The following SH3KBP1 variants were observed in gnomAD, a reference collection of about 807,000 sequenced individuals.
SH3KBP1 encodes the protein SH3 domain containing kinase binding protein 1, also known as SH3 domain-containing kinase-binding protein 1.
In SH3KBP1, 8 loss-of-function variants were observed where a neutral mutation model predicts 50.1. That is an observed-to-expected ratio of 0.16 (90% CI 0.09 to 0.29). The LOEUF is 0.29. SH3KBP1 is among the 10% of genes least tolerant of loss of function. SH3KBP1 has a pLI of 1.00. For missense variants in SH3KBP1, 377 were observed against 535.2 expected, an observed-to-expected ratio of 0.70 and a Z score of 2.92; for synonymous variants, 227 against 218.6, an observed-to-expected ratio of 1.04 and a Z score of -0.34.
At chrX:19,662,412 G>A (rs866459520) in intron 6 of SH3KBP1, among the ~76,000 whole-genome samples, 5 of 111,919 alleles carry the variant, frequency 4.5e-5, no homozygotes, top group Admixed American at 9.5e-5. Flanking sequence ...ACTTTGTAAC[G>A]TTTTTCATAT....
rs761943305 is a variant in SH3KBP1 at position 19,546,018 on chromosome X, G to A, written c.1527C>T (p.Ser509=). The A allele has an allele frequency of 1.4e-5, 17 of 1,208,226 alleles. No individual in the cohort carries two copies. Among genetic ancestry groups the A allele is most frequent in the Non-Finnish European group, 1.9e-5 (17 of 893,887 alleles). Residue 509 remains serine, a synonymous_variant, in exon 15 of 18, where the codon TCC becomes TCT. Transcript: ENST00000397821. ...SSLSSPDIFD[S]PSPEEDKEEH... is the part of the protein sequence containing the mutation. ...CCTCCTTATCCTCTTCGGGACTTGG[G>A]GAGTCGAAGATATCAGGGCTTGAAA... is the stretch of plus-strand genomic sequence containing the variant.
chrX:19,543,181 C>T (rs965638112), intron 15 of SH3KBP1, among the ~76,000 whole-genome samples: 8 of 111,200 alleles, frequency 7.2e-5, no homozygotes, highest in South Asian at 3.8e-4. Context: ...ATGGAACAGA[C>T]GCCTTGTGAG....
At chrX:19,703,808 A>C (rs1464570465) in intron 4 of SH3KBP1, among the ~76,000 whole-genome samples, 2 of 107,258 alleles carry the variant, frequency 1.9e-5, no homozygotes, top group Admixed American at 2.0e-4. Context: ...ATAAAAATAT[A>C]ATATATACAT....
chrX:19,812,248 A>T (rs890823198), intron 2 of SH3KBP1, among the ~76,000 whole-genome samples: 8 of 111,432 alleles, frequency 7.2e-5, no homozygotes, highest in Non-Finnish European at 1.1e-4. Context: ...AAACGGGCTG[A>T]CTTCATACAC....
At chrX:19,624,812 A>G (rs762617230) in intron 8 of SH3KBP1, among the ~76,000 whole-genome samples, 18 of 112,517 alleles carry the variant, frequency 1.6e-4, no homozygotes, top group African/African-American at 5.2e-4. Context: ...CAAGAAATAC[A>G]TTCTATGACA....
chrX:19,856,562 C>A (rs2068648587), intron 1 of SH3KBP1, among the ~76,000 whole-genome samples: 2 of 111,546 alleles, frequency 1.8e-5, no homozygotes, highest in Non-Finnish European at 3.8e-5. Flanking sequence ...CTATGCTGAC[C>A]CAGGTCACCC....
intron 1 of SH3KBP1, among the ~76,000 whole-genome samples, chrX:19,881,522 A>G (rs1386892133): frequency 8.9e-6 from 1 of 112,134 alleles, no homozygotes; most frequent in Non-Finnish European, 1.9e-5. Flanking sequence ...GAGGATACCA[A>G]TGATAATCAG....
At chrX:19,886,598 C>T (rs1018601534) in intron 1 of SH3KBP1, among the ~76,000 whole-genome samples, 4 of 111,861 alleles carry the variant, frequency 3.6e-5, no homozygotes, top group Non-Finnish European at 7.5e-5. Flanking sequence ...GACCGGATCA[C>T]CATTTCCAGG....
In SH3KBP1 at chrX:19,653,249, G is replaced by A; in HGVS notation, c.727-7774C>T. Among the ~76,000 whole-genome samples, 3 of 111,487 alleles carry A rather than the reference G, an allele frequency of 2.7e-5. No individual in the cohort carries two copies. In the South Asian group the frequency reaches 1.2e-3, roughly 43 times the overall value. The stretch of plus-strand genomic sequence containing the variant: ...GATCCTCCTGCCTTGGCCTCCCAAA[G>A]TGCCGGGATTACAGGCATGAGCCAT... On this transcript the variant is annotated intron_variant, in intron 6 of 17. Transcript: ENST00000397821.
At chrX:19,812,060 G>A (rs905055412) in intron 2 of SH3KBP1, among the ~76,000 whole-genome samples, 1 of 111,384 alleles carries the variant, frequency 9.0e-6, no homozygotes, top group Non-Finnish European at 1.9e-5. Flanking sequence ...GGTTTGACTC[G>A]GACAACTTCT....
rs373724064 is a variant in SH3KBP1 at position 19,546,053 on chromosome X, G to A, written c.1495-3C>T. 25 of 1,208,832 alleles carry A rather than the reference G, an allele frequency of 2.1e-5. No individual in the cohort carries two copies. In the African/African-American group the frequency reaches 3.5e-4, roughly 17 times the overall value. Reference sequence around the variant, plus strand: ...ATATCAGGGCTTGAAAGGGATGACTGATAAAGCCAAAAGAAAATGCTTTTG... The same window carrying A: ...ATATCAGGGCTTGAAAGGGATGACTAATAAAGCCAAAAGAAAATGCTTTTG... On this transcript the variant is annotated splice_polypyrimidine_tract_variant and splice_region_variant and intron_variant, in intron 14 of 17. Coordinates refer to ENST00000397821, the MANE Select transcript of SH3KBP1 (RefSeq NM_031892.3).
intron 3 of SH3KBP1, among the ~76,000 whole-genome samples, chrX:19,721,958 C>T (rs905672179): frequency 7.2e-5 from 8 of 111,805 alleles, no homozygotes; most frequent in African/African-American, 2.6e-4. Flanking sequence ...GCCATGACTG[C>T]ACCACTGCAC....
chrX:19,614,046 T>C (rs1489705303), intron 8 of SH3KBP1, among the ~76,000 whole-genome samples: 1 of 112,981 alleles, frequency 8.9e-6, no homozygotes, highest in Admixed American at 9.3e-5. Flanking sequence ...GCATTTGTCA[T>C]GCGACCCAGC....
intron 14 of SH3KBP1, 57 bp downstream of exon 14, chrX:19,549,917 G>C (rs1352540442): frequency 3.3e-6 from 3 of 902,880 alleles, no homozygotes; most frequent in Non-Finnish European, 4.8e-6. Flanking sequence ...TTTCTAATCT[G>C]TCCTGCTTTT....
chrX:19,874,555 G>C (rs1369886783), intron 1 of SH3KBP1, among the ~76,000 whole-genome samples: 1 of 103,345 alleles, frequency 9.7e-6, no homozygotes, highest in African/African-American at 3.6e-5. Context: ...GAAGGGGGCA[G>C]TGGAGAAGGG....
intron 4 of SH3KBP1, among the ~76,000 whole-genome samples, chrX:19,704,282 C>T (rs1230777539): frequency 8.9e-6 from 1 of 112,575 alleles, no homozygotes; most frequent in African/African-American, 3.2e-5. Flanking sequence ...AGCCTCTAGG[C>T]AAATCCAGTA....
chrX:19,549,670 T>C (rs1602428362), intron 14 of SH3KBP1, among the ~76,000 whole-genome samples: 1 of 111,786 alleles, frequency 8.9e-6, no homozygotes, highest in Non-Finnish European at 1.9e-5. Flanking sequence ...TAAAACGTGA[T>C]TTTTTTTCTT....
intron 2 of SH3KBP1, among the ~76,000 whole-genome samples, chrX:19,811,893 T>A (rs910754334): frequency 1.8e-5 from 2 of 111,594 alleles, no homozygotes; most frequent in Non-Finnish European, 3.8e-5. Context: ...GTGGCCTCCC[T>A]AGAAGAAAAC....
intron 1 of SH3KBP1, among the ~76,000 whole-genome samples, chrX:19,857,800 T>C (rs1056613328): frequency 9.0e-6 from 1 of 111,463 alleles, no homozygotes; most frequent in African/African-American, 3.3e-5. Flanking sequence ...CGGCCTTAAT[T>C]AAAGATGAAA....
Sources: gnomAD v4.1 joint callset for allele counts (sites outside exome capture counted in the v4.1 genomes callset) on GRCh38, gnomAD v4.1.1 for gene constraint, MANE v1.5 for transcripts, NCBI Gene and HGNC (gene_info 2026-07-23, HGNC 2026-07-21) for gene names.